Variants in EIF2S2 observed in about 807,000 individuals in gnomAD.
The protein encoded by EIF2S2 is eukaryotic translation initiation factor 2 subunit beta.
A neutral mutation model predicts 44.0 loss-of-function variants in EIF2S2; 4 were observed. That is an observed-to-expected ratio of 0.09 (90% confidence interval 0.04 to 0.21). The LOEUF (loss-of-function observed/expected upper bound fraction) is 0.21, where lower values mean the gene tolerates loss of function less well. Ranked by LOEUF, EIF2S2 falls within the 10% of genes least tolerant of loss-of-function variation. The pLI is 1.00. For synonymous variants in EIF2S2, 108 were observed against 128.3 expected (o/e 0.84, Z 1.07); for missense variants, 154 against 392.0 (o/e 0.39, Z 5.13).
At chr20:34,099,322 A>C (rs2034268865) in intron 3 of EIF2S2, among the ~76,000 whole-genome samples, 1 of 151,302 alleles carries the variant, frequency 6.6e-6, no homozygotes. Flanking sequence ...GTGCCACCGC[A>C]CTCCAGCCTG....
intron 6 of EIF2S2, among the ~76,000 whole-genome samples, 164 bp from the exon 7 acceptor site, chr20:34,093,895 C>T (rs561818607): frequency 6.6e-6 from 1 of 152,256 alleles, no homozygotes; most frequent in Admixed American, 6.5e-5. Context: ...TATGACACCA[C>T]TTTTTTTATT....
At chr20:34,101,303 C>T (rs911606713) in intron 3 of EIF2S2, among the ~76,000 whole-genome samples, 4 of 152,138 alleles carry the variant, frequency 2.6e-5, no homozygotes, top group Admixed American at 1.3e-4. Context: ...AATAGCCCAG[C>T]GTGGTGGCGG....
chr20:34,089,772 A>G lies in EIF2S2; in HGVS notation c.960T>C (p.Ala320=), dbSNP rs2034141918. Residue 320 remains alanine, a synonymous_variant, in exon 9 of 9, where the codon GCT becomes GCC. Transcript: ENST00000374980. ...GGAGCTGTGCTCGCTTGCCCGTGAC[A>G]GCCTGGAAGCCGGTTTTGATACTGG... ...SVASIKTGFQ[A]VTGKRAQLRA... 1 of 1,613,322 alleles carries G rather than the reference A, an allele frequency of 6.2e-7. No homozygotes were observed. The highest frequency in any genetic ancestry group is 8.5e-7 in the Non-Finnish European group (1 of 1,179,874).
intron 1 of EIF2S2, among the ~76,000 whole-genome samples, chr20:34,107,176 T>C (rs1411986290): frequency 6.6e-6 from 1 of 150,854 alleles, no homozygotes; most frequent in East Asian, 1.9e-4. Context: ...AGACTCGGTC[T>C]CGAAAAAAAA....
At position 34,100,148 on chromosome 20, in the gene EIF2S2, G is replaced by A. The variant is rs1310398454; in HGVS notation, c.298-1515C>T. ...TTCTACCTCAGCCTCCTGAGTAGCT[G>A]GGACTAGAGGCGCACGCCACCACAC... On this transcript the variant is annotated intron_variant, in intron 3 of 8. Coordinates refer to ENST00000374980, the MANE Select transcript of EIF2S2 (RefSeq NM_003908.5). 2.0e-5 allele frequency among the ~76,000 whole-genome samples: 3 copies of A among 152,130 alleles called. No individual in the cohort carries two copies. In the East Asian group the frequency reaches 5.8e-4, roughly 29 times the overall value.
intron 3 of EIF2S2, among the ~76,000 whole-genome samples, chr20:34,101,655 G>A (rs1019115585): frequency 2.9e-4 from 44 of 150,040 alleles, no homozygotes; most frequent in African/African-American, 1.1e-3. Flanking sequence ...AGAAGGTGGA[G>A]AACAGCAAAA....
intron 2 of EIF2S2, 33 bp from the exon 3 acceptor site, chr20:34,103,598 A>G (rs780102090): frequency 6.6e-7 from 1 of 1,510,378 alleles, no homozygotes; most frequent in South Asian, 1.3e-5. Flanking sequence ...ATTAACAACT[A>G]AAAGGCAAAG....
chr20:34,088,554 T>G lies in EIF2S2; in HGVS notation c.*1176A>C, dbSNP rs1454977048. 5 of 152,622 alleles carry G rather than the reference T, an allele frequency of 3.3e-5. No individual in the cohort carries two copies. The highest frequency in any genetic ancestry group is 3.3e-4 in the Admixed American group (5 of 15,272). 9.5% of individuals were successfully genotyped at this position (152,622 alleles called of 1,614,324 possible). On this transcript the variant is annotated 3_prime_UTR_variant, in exon 9 of 9. Coordinates refer to ENST00000374980, the MANE Select transcript of EIF2S2 (RefSeq NM_003908.5). ...CCTGTACTTTAAGGGTCACAGTGAT[T>G]AAAAACAACACAGTCAAGACATTTG...
At position 34,088,636 on chromosome 20, in the gene EIF2S2, G is replaced by A. The variant is rs2034124145; in HGVS notation, c.*1094C>T. The A allele has an allele frequency of 6.5e-6, 1 of 152,698 alleles. No homozygotes were observed. The highest frequency in any genetic ancestry group is 2.1e-4 in the South Asian group (1 of 4,836). 9.5% of individuals were successfully genotyped at this position (152,698 alleles called of 1,614,324 possible). On this transcript the variant is annotated 3_prime_UTR_variant, in exon 9 of 9. Coordinates refer to ENST00000374980, the MANE Select transcript of EIF2S2 (RefSeq NM_003908.5). Reference sequence around the variant, plus strand: ...ACGAAGTCGGGCAACAAGAAAGCGAGGAGCAGCGTGTATGCCCTTATCCTC... The same window carrying A: ...ACGAAGTCGGGCAACAAGAAAGCGAAGAGCAGCGTGTATGCCCTTATCCTC...
rs551343019 is a variant in EIF2S2, at chr20:34,092,997, G to C, written c.740+678C>G. On this transcript the variant is annotated intron_variant, in intron 7 of 8. Coordinates refer to ENST00000374980, the MANE Select transcript of EIF2S2 (RefSeq NM_003908.5). ...TAGGAATATTACTTTCTACTTCATA[G>C]AACTATTGTGAAGATTAATTGAGAT... Among the ~76,000 whole-genome samples the C allele has an allele frequency of 3.3e-5, 5 of 152,306 alleles. 1 individual carries two copies. The highest frequency in any genetic ancestry group is 3.3e-4 in the Admixed American group (5 of 15,304).
intron 1 of EIF2S2, among the ~76,000 whole-genome samples, chr20:34,111,447 C>T (rs2034410745): frequency 6.6e-6 from 1 of 152,224 alleles, no homozygotes; most frequent in Non-Finnish European, 1.5e-5. Context: ...GCCAGTTTCA[C>T]AGCCCGCACT....
chr20:34,106,647 G>A (rs577478492), intron 1 of EIF2S2, among the ~76,000 whole-genome samples: 3 of 152,024 alleles, frequency 2.0e-5, no homozygotes, highest in Non-Finnish European at 4.4e-5. Flanking sequence ...CCCCAAGCTG[G>A]TCTTGAACTC....
Position 34,089,515 on chromosome 20 carries a change from C to G in EIF2S2, c.*215G>C. 1.9e-6 allele frequency: 1 copy of G among 531,802 alleles called. No individual in the cohort carries two copies. The highest frequency in any genetic ancestry group is 3.3e-5 in the East Asian group (1 of 30,696). The allele number at this position is 531,802 out of a possible 1,614,324, so 32.9% of individuals were successfully genotyped here. A position where few individuals can be genotyped will look rare whatever the true frequency, so the allele number is the denominator to read the frequency against. ...ACGATTTTAAAAAAGCACCTCCTTA[C>G]CCCATATCACGTTTCTCTGACAGGT... On this transcript the variant is annotated 3_prime_UTR_variant, in exon 9 of 9. Transcript: ENST00000374980.
Position 34,096,777 on chromosome 20 carries a change from C to A in EIF2S2, c.563G>T (p.Arg188Met). ...ELLNRVFNIM[R>M]EKNPDMVAGE... is the part of the protein sequence containing the mutation. ...AGCAACCATATCTGGATTCTTTTCC[C>A]TCATGATGTTGAACACTCGATTCAG... The change falls in exon 6 of 9, where the codon AGG becomes ATG. Residue 188 changes from arginine (R) to methionine (M), a missense_variant. This residue lies in a region of EIF2S2 where 134 missense variants were observed against 225.0 expected (regional missense o/e 0.60). Transcript: ENST00000374980. 1.2e-6 allele frequency: 2 copies of A among 1,610,032 alleles called. No individual in the cohort carries two copies. The highest frequency in any genetic ancestry group is 1.7e-6 in the Non-Finnish European group (2 of 1,179,068).
chr20:34,089,984 C>G, intron 8 of EIF2S2, 79 bp from the exon 9 acceptor site: 1 of 1,471,690 alleles, frequency 6.8e-7, no homozygotes, highest in Non-Finnish European at 9.4e-7. Flanking sequence ...AATACATCTA[C>G]AAAGAACTCC....
At chr20:34,109,964 TGGCA>T (rs1601541574) in intron 1 of EIF2S2, among the ~76,000 whole-genome samples, 1 of 151,348 alleles carries the variant, frequency 6.6e-6, no homozygotes, top group East Asian at 2.0e-4. Context: ...CTGGGCATGG[TGGCA>T]GGCGCCTGTA....
intron 1 of EIF2S2, among the ~76,000 whole-genome samples, chr20:34,111,123 G>GC (rs1297282295): frequency 6.6e-6 from 1 of 152,098 alleles, no homozygotes; most frequent in Non-Finnish European, 1.5e-5. Context: ...AGCCCTCCAT[G>GC]AACTAGTCAT....
At chr20:34,089,959 G>C in intron 8 of EIF2S2, 54 bp from the exon 9 acceptor site, 2 of 1,582,698 alleles carry the variant, frequency 1.3e-6, no homozygotes, top group Non-Finnish European at 1.7e-6. Flanking sequence ...AGGTAGAGAA[G>C]TTTCTGCCTT....
chr20:34,099,570 GAC>G (rs1320383147), intron 3 of EIF2S2, among the ~76,000 whole-genome samples: 1 of 152,030 alleles, frequency 6.6e-6, no homozygotes, highest in African/African-American at 2.4e-5. Context: ...GTTTATTTCA[GAC>G]ACACACTATC....
Sources: allele counts gnomAD v4.1 joint callset (sites outside exome capture counted in the v4.1 genomes callset), GRCh38; gene constraint gnomAD v4.1.1; regional missense constraint gnomAD v4.1.1; transcripts MANE v1.5; gene names NCBI Gene and HGNC (gene_info 2026-07-23, HGNC 2026-07-21).